The following CEP128 variants were observed in gnomAD, a reference collection of about 807,000 sequenced individuals.
CEP128 encodes centrosomal protein 128, also known as centrosomal protein 128kDa.
A neutral mutation model predicts 156.7 loss-of-function variants in CEP128; 132 were observed. That is an observed-to-expected ratio of 0.84 (90% confidence interval 0.73 to 0.97). The LOEUF (loss-of-function observed/expected upper bound fraction) is 0.97. Among genes scored for constraint, CEP128 ranks in the 50% least tolerant of loss-of-function variants. The probability of loss-of-function intolerance (pLI) is 0.00; values close to 1 mark genes in which losing one functional copy is unlikely to be tolerated. For synonymous variants in CEP128, 469 were observed against 448.9 expected, an observed-to-expected ratio of 1.04 and a Z score of -0.57; for missense variants, 1,252 against 1,281.9, an observed-to-expected ratio of 0.98 and a Z score of 0.36.
chr14:80,497,384 A>G lies in CEP128; in HGVS notation c.*95T>C. The G allele has an allele frequency of 1.3e-6, 1 of 762,298 alleles. No individual in the cohort carries two copies. Among genetic ancestry groups the G allele is most frequent in the South Asian group, 1.6e-5 (1 of 60,608 alleles). 47.2% of individuals were successfully genotyped at this position (762,298 alleles called of 1,614,324 possible). ...ATACCAAAGAGCCAAAGCTGCAGGT[A>G]TGTCTGTTAGATAATCTGGGCCAAA... On this transcript the variant is annotated 3_prime_UTR_variant, in exon 25 of 25. Coordinates refer to ENST00000555265, the MANE Select transcript of CEP128 (RefSeq NM_152446.5).
intron 6 of CEP128, among the ~76,000 whole-genome samples, chr14:80,901,189 G>C (rs989264948): frequency 1.3e-5 from 2 of 151,642 alleles, no homozygotes; most frequent in African/African-American, 2.4e-5. Flanking sequence ...CTGGGCGACA[G>C]AGCGAGACTC....
chr14:80,650,299 G>A (rs1175922596), intron 19 of CEP128, among the ~76,000 whole-genome samples: 1 of 152,120 alleles, frequency 6.6e-6, no homozygotes, highest in African/African-American at 2.4e-5. Flanking sequence ...TTGCTTATCA[G>A]CTTAAGGAAA....
intron 19 of CEP128, among the ~76,000 whole-genome samples, chr14:80,609,393 C>T (rs1972998): frequency 0.31 from 47,073 of 151,818 alleles, 8,370 homozygotes; most frequent in African/African-American, 0.47. Context: ...TCTTGAAGTT[C>T]ACTGCATGTA....
Position 80,511,396 on chromosome 14 carries a change from A to G in CEP128, c.3073-6376T>C, listed in dbSNP as rs543484163. Reference sequence around the variant, plus strand: ...TAAGCTTTCCTATTTATTGGCATATAATTACTCATTGAAGTCTCTGATGAT... The same window carrying G: ...TAAGCTTTCCTATTTATTGGCATATGATTACTCATTGAAGTCTCTGATGAT... On this transcript the variant is annotated intron_variant, in intron 23 of 24. Transcript: ENST00000555265. 8.5e-5 allele frequency among the ~76,000 whole-genome samples: 13 copies of G among 152,060 alleles called. No homozygotes were observed. In the South Asian group the frequency reaches 2.7e-3, roughly 32 times the overall value.
intron 17 of CEP128, 23 bp downstream of exon 17, chr14:80,761,414 G>T (rs374944803): frequency 1.4e-4 from 211 of 1,516,842 alleles, no homozygotes; most frequent in Non-Finnish European, 1.8e-4. Context: ...AAAATATAAG[G>T]TGCAATGAGA....
chr14:80,830,819 CA>C (rs1353487412), intron 13 of CEP128: 2 of 217,210 alleles, frequency 9.2e-6, no homozygotes, highest in East Asian at 1.3e-4. Flanking sequence ...TTCTCTCAAA[CA>C]AAAAAGGTCC....
chr14:80,862,519 T>C (rs1205929369), intron 9 of CEP128, among the ~76,000 whole-genome samples: 1 of 152,192 alleles, frequency 6.6e-6, no homozygotes, highest in Admixed American at 6.5e-5. Context: ...TTATTTCCAT[T>C]TTCCACAGAC....
At chr14:80,719,233 A>C (rs1260324884) in intron 19 of CEP128, among the ~76,000 whole-genome samples, 1 of 152,142 alleles carries the variant, frequency 6.6e-6, no homozygotes, top group Admixed American at 6.5e-5. Flanking sequence ...CTGCCCCTTA[A>C]TTTGCATGTA....
intron 13 of CEP128, among the ~76,000 whole-genome samples, chr14:80,826,540 A>G (rs930293122): frequency 6.6e-6 from 1 of 152,198 alleles, no homozygotes; most frequent in Admixed American, 6.5e-5. Flanking sequence ...AAATGCATGA[A>G]TCAAGAGTTT....
At chr14:80,701,709 C>G (rs1595246182) in intron 19 of CEP128, among the ~76,000 whole-genome samples, 1 of 152,162 alleles carries the variant, frequency 6.6e-6, no homozygotes, top group East Asian at 1.9e-4. Flanking sequence ...ATCAGTCTTC[C>G]CATCTTAAAC....
At position 80,481,222 on chromosome 14, in the gene CEP128, C is replaced by T. The variant is rs1887046288; in HGVS notation, c.*311-2815G>A. Among the ~76,000 whole-genome samples, 3 of 152,106 alleles carry T rather than the reference C, an allele frequency of 2.0e-5. No homozygotes were observed. The South Asian group carries it at 6.2e-4, about 32-fold the overall frequency. ...TACAGTTCTGCACGGCTGGGGAGGC[C>T]TCAGAATCATGGCAGGAGGCAAAAG... On this transcript the variant is annotated intron_variant and NMD_transcript_variant, in intron 14 of 14. Transcript: ENST00000554502.
intron 16 of CEP128, among the ~76,000 whole-genome samples, chr14:80,776,473 T>TTA (rs971809085): frequency 6.7e-5 from 10 of 148,332 alleles, no homozygotes; most frequent in Non-Finnish European, 8.9e-5. Context: ...ACTAGAGAAT[T>TTA]TATATATATA....
At chr14:80,933,369 A>T (rs1448309709) in intron 2 of CEP128, among the ~76,000 whole-genome samples, 1 of 152,146 alleles carries the variant, frequency 6.6e-6, no homozygotes, top group African/African-American at 2.4e-5. Context: ...GCCCCCTCTA[A>T]GTTTATATCT....
intron 23 of CEP128, among the ~76,000 whole-genome samples, chr14:80,517,903 C>T (rs576415380): frequency 3.3e-5 from 5 of 152,060 alleles, no homozygotes; most frequent in East Asian, 3.9e-4. Context: ...ATGGGCGCCT[C>T]GCTGGATCAG....
intron 16 of CEP128, among the ~76,000 whole-genome samples, chr14:80,769,840 T>C (rs1036396644): frequency 6.6e-6 from 1 of 152,118 alleles, no homozygotes; most frequent in Non-Finnish European, 1.5e-5. Flanking sequence ...AAAAAAAAAC[T>C]CAATGAAAAC....
chr14:80,540,059 T>C (rs1458597526), intron 21 of CEP128, among the ~76,000 whole-genome samples: 2 of 152,212 alleles, frequency 1.3e-5, no homozygotes, highest in Non-Finnish European at 2.9e-5. Flanking sequence ...CCGCTGAACA[T>C]AGACCCTTAT....
chr14:80,570,276 C>G (rs988762405), intron 20 of CEP128, among the ~76,000 whole-genome samples: 2 of 152,088 alleles, frequency 1.3e-5, no homozygotes, highest in Non-Finnish European at 1.5e-5. Context: ...CATCACCACG[C>G]CCGGCTAATT....
intron 16 of CEP128, among the ~76,000 whole-genome samples, chr14:80,768,739 T>C (rs1900366125): frequency 6.6e-6 from 1 of 152,208 alleles, no homozygotes; most frequent in African/African-American, 2.4e-5. Context: ...TACAAAAGTT[T>C]GTTTCCATAA....
intron 16 of CEP128, among the ~76,000 whole-genome samples, chr14:80,764,461 T>TGCAGTCC (rs1477696617): frequency 6.7e-6 from 1 of 149,832 alleles, no homozygotes; most frequent in African/African-American, 2.5e-5. Flanking sequence ...ATTGCGCCAC[T>TGCAGTCC]GCAGTCCGCA....
Sources: allele counts gnomAD v4.1 joint callset (sites outside exome capture counted in the v4.1 genomes callset), GRCh38; gene constraint gnomAD v4.1.1; transcripts MANE v1.5; gene names NCBI Gene and HGNC (gene_info 2026-07-23, HGNC 2026-07-21).